Variants in C10orf90 observed in about 807,000 individuals in gnomAD.
C10orf90 encodes chromosome 10 open reading frame 90, also known as (E2-independent) E3 ubiquitin-conjugating enzyme FATS.
In C10orf90, 56 loss-of-function variants were observed where a neutral mutation model predicts 62.5. The ratio of observed to expected loss-of-function variants is 0.90; its 90% CI spans 0.72 to 1.12. C10orf90 has a LOEUF of 1.12. Ranked by LOEUF, C10orf90 falls within the 50% of genes most tolerant of loss-of-function variation. The pLI, the probability that C10orf90 is intolerant of heterozygous loss-of-function variation, is 0.00. For missense variants in C10orf90, 970 were observed against 880.4 expected (o/e 1.10, Z -1.29); for synonymous variants, 386 against 340.4 (o/e 1.13, Z -1.47).
At chr10:126,463,410 G>A (rs1860112413) in intron 5 of C10orf90, 1 of 152,186 alleles carries the variant, frequency 6.6e-6, no homozygotes, top group South Asian at 2.1e-4. Context: ...TTCCTCTTGA[G>A]CAAATCTAAT....
chr10:126,516,268 G>C (rs1863433244), intron 2 of C10orf90, among the ~76,000 whole-genome samples: 1 of 152,166 alleles, frequency 6.6e-6, no homozygotes, highest in Admixed American at 6.5e-5. Flanking sequence ...AAAGCATTCG[G>C]GCAGGGTGGG....
In C10orf90 at chr10:126,456,376, C is replaced by T. The variant is rs1006977161; in HGVS notation, c.2188+2664G>A. 2.0e-5 allele frequency among the ~76,000 whole-genome samples: 3 copies of T among 152,160 alleles called. No homozygotes were observed. The highest frequency in any genetic ancestry group is 4.8e-5 in the African/African-American group (2 of 41,438). ...CATAAAACCCACGTTGGCCAAGTCC[C>T]ACTTTGAGAGCATGCTGCTTGCCAG... On this transcript the variant is annotated intron_variant, in intron 7 of 9. Transcript: ENST00000488181. The surrounding 1 kb of genome is among the most constrained non-coding windows in gnomAD (Gnocchi z 4.9).
intron 2 of C10orf90, among the ~76,000 whole-genome samples, chr10:126,582,646 C>T (rs370981492): frequency 6.6e-6 from 1 of 152,042 alleles, no homozygotes. Flanking sequence ...AATGTAAATA[C>T]GAAAATGGAT....
At chr10:126,438,227 T>C (rs958823775) in intron 7 of C10orf90, among the ~76,000 whole-genome samples, 2 of 152,084 alleles carry the variant, frequency 1.3e-5, no homozygotes, top group African/African-American at 4.8e-5. Flanking sequence ...CCCTCAGCCA[T>C]CCCTTCCTGG....
intron 7 of C10orf90, among the ~76,000 whole-genome samples, chr10:126,435,931 C>T (rs1028407087): frequency 3.3e-5 from 5 of 152,142 alleles, no homozygotes; most frequent in African/African-American, 1.2e-4. Context: ...CACTCCATCC[C>T]TATGGTCAAA....
At chr10:126,619,692 C>T (rs1413344481) in intron 2 of C10orf90, among the ~76,000 whole-genome samples, 3 of 152,092 alleles carry the variant, frequency 2.0e-5, no homozygotes, top group African/African-American at 7.2e-5. Context: ...GAGTTTGGAG[C>T]ACAGTGGTGC....
At chr10:126,595,742 A>G (rs138873206) in intron 2 of C10orf90, among the ~76,000 whole-genome samples, 1 of 152,238 alleles carries the variant, frequency 6.6e-6, no homozygotes, top group East Asian at 1.9e-4. Flanking sequence ...AACTTTATCT[A>G]AAGACCAATA....
At chr10:126,530,625 C>T (rs74523741) in intron 2 of C10orf90, among the ~76,000 whole-genome samples, 3,609 of 152,142 alleles carry the variant, frequency 0.024, 142 homozygotes, top group African/African-American at 0.08. Context: ...CAGGTAGCCT[C>T]ACTGGAGACA....
At chr10:126,534,620 T>C (rs1864185552) in intron 2 of C10orf90, among the ~76,000 whole-genome samples, 1 of 152,144 alleles carries the variant, frequency 6.6e-6, no homozygotes, top group African/African-American at 2.4e-5. Context: ...CTCTCCCATA[T>C]CCTTCTTCCA....
At chr10:126,544,607 T>C (rs1864449849) in intron 2 of C10orf90, among the ~76,000 whole-genome samples, 1 of 152,004 alleles carries the variant, frequency 6.6e-6, no homozygotes, top group South Asian at 2.1e-4. Context: ...TTCTGCTTTG[T>C]TGGTGGAGAT....
intron 2 of C10orf90, among the ~76,000 whole-genome samples, chr10:126,545,570 A>G (rs922164531): frequency 6.6e-6 from 1 of 152,126 alleles, no homozygotes; most frequent in Non-Finnish European, 1.5e-5. Flanking sequence ...TGCAGAATCT[A>G]GAGGTAGCAA....
At chr10:126,436,694 C>T (rs1031879582) in intron 7 of C10orf90, among the ~76,000 whole-genome samples, 2 of 152,190 alleles carry the variant, frequency 1.3e-5, no homozygotes, top group African/African-American at 4.8e-5. Flanking sequence ...CAGGGTCTCA[C>T]TCTGTTGCCC....
chr10:126,631,583 C>G (rs1231029288), intron 2 of C10orf90, among the ~76,000 whole-genome samples: 1 of 152,026 alleles, frequency 6.6e-6, no homozygotes, highest in Non-Finnish European at 1.5e-5. Context: ...CCCTTGATCT[C>G]TTGCTCAGCA....
At chr10:126,441,025 C>T (rs1858283886) in intron 7 of C10orf90, among the ~76,000 whole-genome samples, 1 of 152,078 alleles carries the variant, frequency 6.6e-6, no homozygotes, top group African/African-American at 2.4e-5. Context: ...GGATCCAAAC[C>T]AAGAATAAAT....
At chr10:126,523,571 A>C (rs984377197) in intron 2 of C10orf90, 1 of 152,198 alleles carries the variant, frequency 6.6e-6, no homozygotes, top group African/African-American at 2.4e-5. Context: ...TCATTTTTTG[A>C]AACCTGTGAT....
rs560844255 is a variant in C10orf90, at chr10:126,563,095, A to G, written c.314-49156T>C. Among the ~76,000 whole-genome samples, 5 of 152,316 alleles carry G rather than the reference A, an allele frequency of 3.3e-5. No individual in the cohort carries two copies. In the South Asian group the frequency reaches 1.0e-3, roughly 32 times the overall value. ...GTATTTACACCACAGAAAGTGGCAA[A>G]TGCTACAACTCGGGGCAAAATTCCC... On this transcript the variant is annotated intron_variant, in intron 2 of 9. Transcript: ENST00000488181.
intron 2 of C10orf90, among the ~76,000 whole-genome samples, chr10:126,527,092 G>A (rs898102100): frequency 3.6e-4 from 28 of 77,552 alleles, no homozygotes; most frequent in African/African-American, 9.2e-4. Flanking sequence ...TGGAATTGCC[G>A]TGTCGTATGA....
At chr10:126,449,992 CAA>C (rs113405837) in intron 7 of C10orf90, among the ~76,000 whole-genome samples, 150 of 105,426 alleles carry the variant, frequency 1.4e-3, no homozygotes, top group East Asian at 0.01. Context: ...GACGCCATCT[CAA>C]AAAAAAAAAA....
At chr10:126,523,035 G>A (rs1208264394) in intron 2 of C10orf90, 1 of 152,162 alleles carries the variant, frequency 6.6e-6, no homozygotes, top group Non-Finnish European at 1.5e-5. Context: ...AAAACAGTGT[G>A]TTATTAGATA....
Sources: allele counts gnomAD v4.1 joint callset (sites outside exome capture counted in the v4.1 genomes callset), GRCh38; gene constraint gnomAD v4.1.1; non-coding constraint Gnocchi (gnomAD v3.1); transcripts MANE v1.5; gene names NCBI Gene and HGNC (gene_info 2026-07-23, HGNC 2026-07-21).